DOCK2: variants seen among roughly 807,000 people sequenced by gnomAD.
The protein encoded by DOCK2 is dedicator of cytokinesis 2, also known as dedicator of cytokinesis protein 2.
In DOCK2, 87 loss-of-function variants were observed where a neutral mutation model predicts 248.9. The ratio of observed to expected loss-of-function variants is 0.35; its 90% CI spans 0.29 to 0.42. DOCK2 has a LOEUF of 0.42. Among genes scored for constraint, DOCK2 ranks in the 10% least tolerant of loss-of-function variants. The probability of loss-of-function intolerance (pLI) is 1.00; values close to 1 mark genes in which losing one functional copy is unlikely to be tolerated. For synonymous variants in DOCK2, 805 were observed against 821.6 expected, an observed-to-expected ratio of 0.98 and a Z score of 0.35; for missense variants, 1,747 against 2,300.2, an observed-to-expected ratio of 0.76 and a Z score of 4.92.
intron 27 of DOCK2, among the ~76,000 whole-genome samples, chr5:169,887,248 A>G (rs1015628964): frequency 1.3e-5 from 2 of 152,212 alleles, no homozygotes; most frequent in Non-Finnish European, 2.9e-5. Flanking sequence ...CCTTTTCTCC[A>G]GGAAGTTTAT....
At chr5:169,758,885 G>A (rs1764333797) in intron 23 of DOCK2, among the ~76,000 whole-genome samples, 3 of 152,154 alleles carry the variant, frequency 2.0e-5, no homozygotes, top group Non-Finnish European at 4.4e-5. Context: ...GAGTCTGATT[G>A]TTAAAGGGTG....
At chr5:170,024,273 A>G (rs1755828186) in intron 33 of DOCK2, among the ~76,000 whole-genome samples, 1 of 151,526 alleles carries the variant, frequency 6.6e-6, no homozygotes. Context: ...GAGAAGCCAG[A>G]GCTACATCCT....
intron 25 of DOCK2, chr5:169,773,290 A>G (rs1179924748): frequency 1.3e-5 from 2 of 152,242 alleles, no homozygotes; most frequent in East Asian, 3.9e-4. Flanking sequence ...GAAGTTAAAA[A>G]AAATTGGCAT....
In DOCK2 at chr5:169,666,506, C is replaced by T. The variant is rs1423732956; in HGVS notation, c.128-2782C>T. Among the ~76,000 whole-genome samples, 3 of 152,172 alleles carry T rather than the reference C, an allele frequency of 2.0e-5. 1 individual carries two copies. Reference sequence around the variant, plus strand: ...TGGTAAATGCCATGTTACACTGAGCCTGCTTTTGATCATGGTGTCCACTGT... The same window carrying T: ...TGGTAAATGCCATGTTACACTGAGCTTGCTTTTGATCATGGTGTCCACTGT... On this transcript the variant is annotated intron_variant, in intron 2 of 51. Transcript: ENST00000520908.
chr5:169,929,945 AG>A (rs1775665403), intron 27 of DOCK2, among the ~76,000 whole-genome samples: 1 of 152,248 alleles, frequency 6.6e-6, no homozygotes, highest in Admixed American at 6.5e-5. Context: ...ACATTGAAAT[AG>A]GGCTAATGTG....
intron 23 of DOCK2, among the ~76,000 whole-genome samples, chr5:169,759,110 G>A (rs1764343153): frequency 6.6e-6 from 1 of 152,120 alleles, no homozygotes. Flanking sequence ...AAGAGAGGAA[G>A]CAATCCACTA....
At chr5:169,743,763 A>G (rs1271912887) in intron 22 of DOCK2, among the ~76,000 whole-genome samples, 1 of 150,970 alleles carries the variant, frequency 6.6e-6, no homozygotes, top group Non-Finnish European at 1.5e-5. Flanking sequence ...TCTTCTTCCC[A>G]TTCCCAGCCA....
At chr5:170,065,953 GTTT>G (rs34658795) in intron 44 of DOCK2, among the ~76,000 whole-genome samples, 2 of 133,394 alleles carry the variant, frequency 1.5e-5, no homozygotes, top group Non-Finnish European at 1.6e-5. Flanking sequence ...AATGAAAACT[GTTT>G]TTTTTTTTTT....
chr5:170,050,525 G>A (rs1756877345), intron 41 of DOCK2, 128 bp downstream of exon 41: 1 of 1,120,018 alleles, frequency 8.9e-7, no homozygotes, highest in African/African-American at 1.6e-5. Context: ...CATGTTGCAG[G>A]AACATGCAAC....
At chr5:169,762,064 T>C (rs1764517075) in intron 25 of DOCK2, among the ~76,000 whole-genome samples, 1 of 152,212 alleles carries the variant, frequency 6.6e-6, no homozygotes, top group Non-Finnish European at 1.5e-5. Flanking sequence ...GGAATTAACA[T>C]TTTTTAAAGT....
intron 27 of DOCK2, among the ~76,000 whole-genome samples, chr5:169,924,478 TC>T (rs1775334209): frequency 6.6e-6 from 1 of 152,208 alleles, no homozygotes; most frequent in Admixed American, 6.5e-5. Flanking sequence ...AGGACTTTTC[TC>T]ATTTATTTGT....
intron 27 of DOCK2, chr5:169,882,984 A>T: frequency 1.9e-6 from 3 of 1,551,562 alleles, no homozygotes; most frequent in Non-Finnish European, 2.6e-6. Flanking sequence ...GAGTCCGTGG[A>T]GATGAAGGAA....
At chr5:169,974,969 A>G (rs894725784) in intron 27 of DOCK2, among the ~76,000 whole-genome samples, 8 of 152,254 alleles carry the variant, frequency 5.3e-5, no homozygotes, top group Non-Finnish European at 4.4e-5. Flanking sequence ...GTAGGCCCCC[A>G]GACTTGAATG....
chr5:169,851,484 GAGC>G (rs1770615047), intron 27 of DOCK2, among the ~76,000 whole-genome samples: 1 of 152,124 alleles, frequency 6.6e-6, no homozygotes, highest in Admixed American at 6.5e-5. Flanking sequence ...GTGTCCAATG[GAGC>G]AGACCTTTGC....
At chr5:169,981,187 T>C (rs1777925620) in intron 27 of DOCK2, among the ~76,000 whole-genome samples, 1 of 152,186 alleles carries the variant, frequency 6.6e-6, no homozygotes, top group African/African-American at 2.4e-5. Context: ...AACTTCCCAA[T>C]TGAAAAGAAC....
At chr5:169,872,218 T>C (rs995837501) in intron 27 of DOCK2, among the ~76,000 whole-genome samples, 7 of 152,204 alleles carry the variant, frequency 4.6e-5, no homozygotes, top group African/African-American at 9.6e-5. Flanking sequence ...TTTACTGACC[T>C]CCTGCAACTT....
intron 2 of DOCK2, among the ~76,000 whole-genome samples, chr5:169,661,821 A>G (rs922304495): frequency 1.3e-5 from 2 of 152,230 alleles, no homozygotes; most frequent in South Asian, 2.1e-4. Flanking sequence ...ATAATATTCC[A>G]TTGTATATGT....
chr5:169,774,594 G>A (rs750539176), intron 25 of DOCK2, among the ~76,000 whole-genome samples: 31 of 152,138 alleles, frequency 2.0e-4, no homozygotes, highest in Non-Finnish European at 3.8e-4. Flanking sequence ...CTTACGATTG[G>A]AGAAGAAAAG....
chr5:170,038,177 A>G (rs1756385342), intron 36 of DOCK2, among the ~76,000 whole-genome samples: 1 of 152,166 alleles, frequency 6.6e-6, no homozygotes, highest in South Asian at 2.1e-4. Context: ...AGGTTTTCCT[A>G]CCTGTAGAAT....
Sources: allele counts gnomAD v4.1 joint callset (sites outside exome capture counted in the v4.1 genomes callset), GRCh38; gene constraint gnomAD v4.1.1; transcripts MANE v1.5; gene names NCBI Gene and HGNC (gene_info 2026-07-23, HGNC 2026-07-21).